The following C6orf118 variants were observed in gnomAD, a reference collection of about 807,000 sequenced individuals.
C6orf118 encodes chromosome 6 open reading frame 118.
A neutral mutation model predicts 50.2 loss-of-function variants in C6orf118; 50 were observed. The observed-to-expected ratio is 1.00, with a 90% CI of 0.79 to 1.26. The LOEUF (loss-of-function observed/expected upper bound fraction) is 1.26. Ranked by LOEUF, C6orf118 falls within the 50% of genes most tolerant of loss-of-function variation. C6orf118 has a pLI of 0.00. For synonymous variants in C6orf118, 239 were observed against 230.9 expected (o/e 1.03, Z -0.32); for missense variants, 641 against 578.7 (o/e 1.11, Z -1.10).
intron 7 of C6orf118, among the ~76,000 whole-genome samples, chr6:165,282,944 T>C (rs1265894039): frequency 1.3e-5 from 2 of 152,192 alleles, no homozygotes; most frequent in Non-Finnish European, 2.9e-5. Context: ...ATTACTGTTT[T>C]AAAATGCAAT....
In C6orf118 at chr6:165,301,122, G is replaced by A. The variant is rs796265275; in HGVS notation, c.753+447C>T. ...CCCAGCTGACCAGTTCCCAGAAGGC[G>A]CCCTCCTTCATTTCACCCAAACTGT... On this transcript the variant is annotated intron_variant, in intron 2 of 8. Coordinates refer to ENST00000230301, the MANE Select transcript of C6orf118 (RefSeq NM_144980.4). Among the ~76,000 whole-genome samples, 4 of 152,004 alleles carry A rather than the reference G, an allele frequency of 2.6e-5. No homozygotes were observed. The East Asian group carries it at 5.8e-4, about 22-fold the overall frequency.
At chr6:165,306,081 CCAA>C (rs1780712196) in intron 1 of C6orf118, among the ~76,000 whole-genome samples, 1 of 83,852 alleles carries the variant, frequency 1.2e-5, no homozygotes, top group South Asian at 4.7e-4. Flanking sequence ...ACCCAAATGT[CCAA>C]CAATGATAGA....
intron 7 of C6orf118, among the ~76,000 whole-genome samples, chr6:165,283,414 C>T (rs1779798044): frequency 6.6e-6 from 1 of 152,202 alleles, no homozygotes; most frequent in Non-Finnish European, 1.5e-5. Context: ...TGTCTGCTGG[C>T]TCTGAAGAGT....
At chr6:165,298,761 T>C (rs1780406019) in intron 4 of C6orf118, among the ~76,000 whole-genome samples, 1 of 152,148 alleles carries the variant, frequency 6.6e-6, no homozygotes, top group African/African-American at 2.4e-5. Context: ...ACAAAGAAAA[T>C]GGTACTCACA....
In C6orf118 at chr6:165,302,211, G is replaced by GGTCTTCACTCCTGGC; in HGVS notation, c.96_110dup (p.Pro33_Thr37dup). On this transcript the variant is annotated inframe_insertion, in exon 2 of 9. Coordinates refer to ENST00000230301, the MANE Select transcript of C6orf118 (RefSeq NM_144980.4). ...TCAGAAGTTTCTTCAGATTACACAG[G>GGTCTTCACTCCTGGC]GTCTTCACTCCTGGCGTCTCGCAGT... The GGTCTTCACTCCTGGC allele has an allele frequency of 6.2e-7, 1 of 1,612,732 alleles. No homozygotes were observed. Among genetic ancestry groups the GGTCTTCACTCCTGGC allele is most frequent in the Non-Finnish European group, 8.5e-7 (1 of 1,179,064 alleles).
At chr6:165,289,354 A>G (rs1268807300) in intron 7 of C6orf118, among the ~76,000 whole-genome samples, 1 of 149,520 alleles carries the variant, frequency 6.7e-6, no homozygotes, top group Non-Finnish European at 1.5e-5. Context: ...GAACCACAAT[A>G]AAAAAAATCA....
At chr6:165,293,704 T>C (rs1354590181) in intron 5 of C6orf118, among the ~76,000 whole-genome samples, 1 of 152,200 alleles carries the variant, frequency 6.6e-6, no homozygotes, top group East Asian at 1.9e-4. Flanking sequence ...GTTAGTTAAT[T>C]TAAAATAAAT....
chr6:165,298,791 G>C (rs1408491642), intron 4 of C6orf118, among the ~76,000 whole-genome samples: 1 of 152,184 alleles, frequency 6.6e-6, no homozygotes, highest in Admixed American at 6.5e-5. Context: ...ACATGAAGAA[G>C]CAAACTAGAA....
At chr6:165,298,238 A>T in intron 4 of C6orf118, 137 bp from the exon 5 acceptor site, 32 of 989,920 alleles carry the variant, frequency 3.2e-5, no homozygotes, top group East Asian at 1.1e-4. Context: ...GTAAATTGGG[A>T]GGATTTAAGG....
At position 165,301,644 on chromosome 6, in the gene C6orf118, G is replaced by C; in HGVS notation, c.678C>G (p.Leu226=). 1 of 1,614,116 alleles carries C rather than the reference G, an allele frequency of 6.2e-7. No individual in the cohort carries two copies. The change falls in exon 2 of 9, where the codon CTC becomes CTG. Residue 226 remains leucine, a synonymous_variant. Coordinates refer to ENST00000230301, the MANE Select transcript of C6orf118 (RefSeq NM_144980.4). ...RMFLRFQKEV[L]AKQDLLKNDF... ...CATTCTTCAGGAGATCTTGCTTGGC[G>C]AGCACTTCCTTCTGGAAACGCAGGA...
chr6:165,306,699 G>C (rs776919616), intron 1 of C6orf118, among the ~76,000 whole-genome samples: 1 of 152,064 alleles, frequency 6.6e-6, no homozygotes, highest in Non-Finnish European at 1.5e-5. Flanking sequence ...TTGCTGTTGT[G>C]TTATCCTTTG....
chr6:165,306,705 C>G (rs1420670631), intron 1 of C6orf118, among the ~76,000 whole-genome samples: 1 of 152,032 alleles, frequency 6.6e-6, no homozygotes, highest in Non-Finnish European at 1.5e-5. Flanking sequence ...TTGTGTTATC[C>G]TTTGTTTATT....
chr6:165,299,506 T>C lies in C6orf118; in HGVS notation c.877-4A>G, dbSNP rs939463145. On this transcript the variant is annotated splice_polypyrimidine_tract_variant and splice_region_variant and intron_variant, in intron 3 of 8. Coordinates refer to ENST00000230301, the MANE Select transcript of C6orf118 (RefSeq NM_144980.4). ...CCATGTAGAGTTCATATTCATCCTG[T>C]ACAGAAACAAACAAAAGTCCACTGG... 1.9e-6 allele frequency: 3 copies of C among 1,613,792 alleles called. No individual in the cohort carries two copies. Among genetic ancestry groups the C allele is most frequent in the East Asian group, 2.2e-5 (1 of 44,876 alleles).
intron 5 of C6orf118, among the ~76,000 whole-genome samples, chr6:165,296,243 GTTTTTTGTTTTT>G (rs1780295237): frequency 1.8e-5 from 1 of 55,354 alleles, no homozygotes; most frequent in African/African-American, 7.8e-5. Flanking sequence ...TGTTGTTTTC[GTTTTTTGTTTTT>G]TTTTTTTTTT....
chr6:165,293,177 C>T (rs1048343756), intron 6 of C6orf118: 14 of 466,490 alleles, frequency 3.0e-5, no homozygotes, highest in Admixed American at 2.1e-4. Flanking sequence ...TCATGAAATG[C>T]GTATTTTTCC....
intron 2 of C6orf118, among the ~76,000 whole-genome samples, 194 bp downstream of exon 2, chr6:165,301,375 G>A (rs1470676589): frequency 3.4e-5 from 5 of 145,676 alleles, no homozygotes; most frequent in South Asian, 2.3e-4. Context: ...GCACTGCACC[G>A]AGAACACTGC....
At chr6:165,293,319 C>G in intron 6 of C6orf118, 94 bp downstream of exon 6, 1 of 1,134,848 alleles carries the variant, frequency 8.8e-7, no homozygotes, top group Non-Finnish European at 1.3e-6. Context: ...TCAGCATCTT[C>G]CAAGTTGACA....
intron 1 of C6orf118, among the ~76,000 whole-genome samples, chr6:165,307,217 C>T (rs978169181): frequency 1.4e-5 from 2 of 147,206 alleles, no homozygotes; most frequent in Middle Eastern, 3.2e-3. Context: ...CCCACCCCCC[C>T]CACCCCACCA....
chr6:165,285,873 C>T (rs1420477662), intron 7 of C6orf118, among the ~76,000 whole-genome samples: 2 of 151,330 alleles, frequency 1.3e-5, no homozygotes, highest in South Asian at 2.1e-4. Context: ...AACTAGAGAA[C>T]CAAGTGCAAA....
Sources: gnomAD v4.1 joint callset for allele counts (sites outside exome capture counted in the v4.1 genomes callset) on GRCh38, gnomAD v4.1.1 for gene constraint, MANE v1.5 for transcripts, NCBI Gene and HGNC (gene_info 2026-07-23, HGNC 2026-07-21) for gene names.